Variants in PCLO observed in about 807,000 individuals in gnomAD.
The protein encoded by PCLO is piccolo presynaptic cytomatrix protein.
Under a neutral mutation model 427.5 loss-of-function variants are expected in PCLO, and 82 were observed. The observed-to-expected ratio is 0.19, with a 90% confidence interval of 0.16 to 0.23. The LOEUF (loss-of-function observed/expected upper bound fraction) is 0.23. Ranked by LOEUF, PCLO falls within the 10% of genes least tolerant of loss-of-function variation. The pLI, the probability that PCLO is intolerant of heterozygous loss-of-function variation, is 1.00. For missense variants in PCLO, 6,239 were observed against 6,115.9 expected (o/e 1.02, Z -0.67); for synonymous variants, 2,357 against 2,155.4 (o/e 1.09, Z -2.59).
chr7:82,929,724 T>G, intron 6 of PCLO, among the ~76,000 whole-genome samples: 1 of 152,096 alleles, frequency 6.6e-6, no homozygotes, highest in East Asian at 1.9e-4. Context: ...TTTCCTAAAT[T>G]TCTAGGAAGT....
intron 3 of PCLO, among the ~76,000 whole-genome samples, chr7:83,095,114 T>A (rs1008981059): frequency 1.3e-5 from 2 of 152,296 alleles, no homozygotes; most frequent in East Asian, 3.9e-4. Flanking sequence ...GTGGGAGTTT[T>A]AAAATTTTAA....
Position 82,955,561 on chromosome 7 carries a change from G to T in PCLO, c.5392C>A (p.Gln1798Lys). The change falls in exon 5 of 25, where the codon CAA becomes AAA. Residue 1798 changes from glutamine to lysine, a missense_variant. Physicochemically the swap from Gln to Lys is moderately conservative, Grantham distance 53. Transcript: ENST00000333891. ...TTTTTACTAGAACTCTTTCTTTGTT[G>T]CTGTTCTATTTCCCTCTGCTTTTCT... ...EQEKQREIEQQQRKSSSKKSK... is the reference protein window; with the variant it reads ...EQEKQREIEQKQRKSSSKKSK... 6.2e-7 allele frequency: 1 copy of T among 1,613,860 alleles called. No homozygotes were observed. The highest frequency in any genetic ancestry group is 1.1e-5 in the South Asian group (1 of 91,070).
At chr7:83,091,781 G>T (rs540254938) in intron 3 of PCLO, among the ~76,000 whole-genome samples, 4 of 152,244 alleles carry the variant, frequency 2.6e-5, no homozygotes, top group African/African-American at 9.6e-5. Context: ...ATACTAGTAA[G>T]CCAATACTTA....
chr7:82,893,589 T>C (rs575423739), intron 9 of PCLO, among the ~76,000 whole-genome samples: 72 of 151,466 alleles, frequency 4.8e-4, no homozygotes, highest in Non-Finnish European at 7.1e-4. Context: ...AAATAATAAA[T>C]AGAAAAAGAA....
chr7:82,883,728 G>A (rs1278727985), intron 9 of PCLO, among the ~76,000 whole-genome samples: 1 of 152,032 alleles, frequency 6.6e-6, no homozygotes, highest in Non-Finnish European at 1.5e-5. Flanking sequence ...CTCCAGGCAT[G>A]AAAATTGCTG....
chr7:82,946,049 G>A (rs1021291067), intron 6 of PCLO, among the ~76,000 whole-genome samples: 5 of 152,142 alleles, frequency 3.3e-5, no homozygotes, highest in Non-Finnish European at 7.4e-5. Flanking sequence ...ATCTGTAAGG[G>A]CTTGCTAGTA....
rs201121475 is a variant in PCLO, at chr7:82,954,540, G to A, written c.6413C>T (p.Thr2138Ile). The change falls in exon 5 of 25, where the codon ACA becomes ATA. Residue 2138 changes from threonine (T) to isoleucine (I), a missense_variant. By Grantham distance (89) the Thr-to-Ile change is moderately conservative. Coordinates refer to ENST00000333891, the MANE Select transcript of PCLO (RefSeq NM_033026.6). Reference protein sequence around the residue: ...PDVKITQHFSTEEIEDEYVTD... With the variant: ...PDVKITQHFSIEEIEDEYVTD... ...TACATATTCATCCTCAATTTCTTCT[G>A]TTGAAAAATGTTGGGTTATTTTAAC... 34 of 1,613,856 alleles carry A rather than the reference G, an allele frequency of 2.1e-5. 1 individual carries two copies. The African/African-American group carries it at 3.1e-4, about 15-fold the overall frequency.
chr7:82,926,254 A>C (rs1172972431), intron 6 of PCLO, among the ~76,000 whole-genome samples: 1 of 152,172 alleles, frequency 6.6e-6, no homozygotes, highest in African/African-American at 2.4e-5. Context: ...GCAATATATA[A>C]GTAGCAGTAT....
chr7:83,038,015 A>ATATATT (rs1788847857), intron 3 of PCLO, among the ~76,000 whole-genome samples: 4 of 47,894 alleles, frequency 8.4e-5, no homozygotes, highest in African/African-American at 5.9e-4. Context: ...ATATATATAT[A>ATATATT]TATATATATA....
Position 82,879,381 on chromosome 7 carries a change from A to T in PCLO, c.13610T>A (p.Ile4537Asn), listed in dbSNP as rs201947009. ...CTGTTCCGCACTTCCCCCAGGAAGA[A>T]TCTTGGCAATATAGGCTCCAATTTC... ...SGEIGAYIAK[I>N]LPGGSAEQTG... Residue 4537 changes from isoleucine to asparagine, a missense_variant, in exon 10 of 25, where the codon ATT becomes AAT. Physicochemically the swap from Ile to Asn is moderately radical, Grantham distance 149 (BLOSUM62 -3). Transcript: ENST00000333891. The T allele has an allele frequency of 6.2e-7, 1 of 1,612,576 alleles. No individual in the cohort carries two copies. Among genetic ancestry groups the T allele is most frequent in the Non-Finnish European group, 8.5e-7 (1 of 1,178,994 alleles).
intron 3 of PCLO, among the ~76,000 whole-genome samples, chr7:83,080,193 C>T (rs1342717504): frequency 6.6e-6 from 1 of 152,090 alleles, no homozygotes; most frequent in Non-Finnish European, 1.5e-5. Context: ...CGCATGCATG[C>T]ATCTTTGTAA....
At chr7:82,839,211 A>G (rs1253249808) in intron 14 of PCLO, among the ~76,000 whole-genome samples, 1 of 152,086 alleles carries the variant, frequency 6.6e-6, no homozygotes, top group African/African-American at 2.4e-5. Flanking sequence ...GCAAATCCAT[A>G]TAGAAAGATA....
intron 9 of PCLO, among the ~76,000 whole-genome samples, chr7:82,897,393 G>A (rs187566889): frequency 2.6e-5 from 4 of 151,544 alleles, no homozygotes; most frequent in South Asian, 2.1e-4. Flanking sequence ...AAAAAATTAT[G>A]AACCATTTAA....
chr7:83,084,274 A>G (rs1241604853), intron 3 of PCLO, among the ~76,000 whole-genome samples: 2 of 152,132 alleles, frequency 1.3e-5, no homozygotes. Flanking sequence ...TTTAAAAAAA[A>G]AAGAATGACT....
At chr7:83,143,716 A>C (rs1053778362) in intron 2 of PCLO, among the ~76,000 whole-genome samples, 1 of 152,182 alleles carries the variant, frequency 6.6e-6, no homozygotes, top group Non-Finnish European at 1.5e-5. Context: ...CACGGACATG[A>C]AAGTGTATCC....
At chr7:83,036,983 G>C (rs1368101480) in intron 3 of PCLO, among the ~76,000 whole-genome samples, 2 of 152,076 alleles carry the variant, frequency 1.3e-5, no homozygotes, top group African/African-American at 2.4e-5. Context: ...AAGAAATGAA[G>C]AAGTTAACAG....
At chr7:83,035,821 T>C (rs1384993973) in intron 3 of PCLO, among the ~76,000 whole-genome samples, 1 of 152,118 alleles carries the variant, frequency 6.6e-6, no homozygotes, top group African/African-American at 2.4e-5. Context: ...GTGACAGTCT[T>C]ATTCTGAGTA....
intron 3 of PCLO, among the ~76,000 whole-genome samples, chr7:83,103,902 G>A (rs948807107): frequency 6.6e-6 from 1 of 151,960 alleles, no homozygotes; most frequent in Non-Finnish European, 1.5e-5. Flanking sequence ...CCTGTACTTG[G>A]TAAAAATAAA....
chr7:82,764,273 G>T (rs1457275324), intron 22 of PCLO, among the ~76,000 whole-genome samples: 1 of 151,810 alleles, frequency 6.6e-6, no homozygotes, highest in Non-Finnish European at 1.5e-5. Flanking sequence ...AGGAACAGGA[G>T]TTAGACATTA....
Sources: allele counts gnomAD v4.1 joint callset (sites outside exome capture counted in the v4.1 genomes callset), GRCh38; gene constraint gnomAD v4.1.1; transcripts MANE v1.5; gene names NCBI Gene and HGNC (gene_info 2026-07-23, HGNC 2026-07-21).